Variants in RAP1GDS1 observed in about 807,000 individuals in gnomAD.
RAP1GDS1 encodes the protein RAP1, GTP-GDP dissociation stimulator 1.
In RAP1GDS1, 35 loss-of-function variants were observed where a neutral mutation model predicts 71.1. The observed-to-expected ratio is 0.49, with a 90% CI of 0.38 to 0.65. RAP1GDS1 has a LOEUF of 0.65. Among genes scored for constraint, RAP1GDS1 ranks in the 30% least tolerant of loss-of-function variants. The probability of loss-of-function intolerance (pLI) is 0.00; values close to 1 mark genes in which losing one functional copy is unlikely to be tolerated. For missense variants in RAP1GDS1, 663 were observed against 706.1 expected (o/e 0.94, Z 0.69); for synonymous variants, 229 against 243.1 (o/e 0.94, Z 0.54).
chr4:98,300,463 G>A (rs547410217), intron 2 of RAP1GDS1, among the ~76,000 whole-genome samples: 157 of 151,244 alleles, frequency 1.0e-3, no homozygotes, highest in African/African-American at 3.5e-3. Flanking sequence ...GCAGTGGCAC[G>A]ATCTTGGCTC....
intron 1 of RAP1GDS1, among the ~76,000 whole-genome samples, chr4:98,281,838 A>G (rs972178148): frequency 5.3e-5 from 8 of 152,146 alleles, no homozygotes; most frequent in African/African-American, 1.4e-4. Context: ...AATTTTGTCA[A>G]TGGCCTTTTC....
chr4:98,266,177 T>A (rs1722697672), intron 1 of RAP1GDS1, among the ~76,000 whole-genome samples: 1 of 152,176 alleles, frequency 6.6e-6, no homozygotes, highest in Admixed American at 6.5e-5. Flanking sequence ...TGTTTTCATG[T>A]CTAAGGATAA....
At chr4:98,363,083 T>C (rs1260483202) in intron 4 of RAP1GDS1, among the ~76,000 whole-genome samples, 4 of 152,088 alleles carry the variant, frequency 2.6e-5, no homozygotes, top group Non-Finnish European at 4.4e-5. Flanking sequence ...TGTATAATAA[T>C]GGAGTGTATT....
intron 4 of RAP1GDS1, among the ~76,000 whole-genome samples, chr4:98,368,998 C>T (rs1423766352): frequency 1.3e-5 from 2 of 152,172 alleles, no homozygotes; most frequent in Non-Finnish European, 1.5e-5. Flanking sequence ...CTCACAGTTT[C>T]ACATGACTGG....
Position 98,379,152 on chromosome 4 carries a change from G to A in RAP1GDS1, c.497G>A (p.Ser166Asn), listed in dbSNP as rs1432094926. Residue 166 changes from serine (S) to asparagine (N), a missense_variant, in exon 5 of 15, where the codon AGC (serine) becomes AAC (asparagine). By Grantham distance (46) the Ser-to-Asn change is conservative (BLOSUM62 1). Coordinates refer to ENST00000408927, the MANE Select transcript of RAP1GDS1 (RefSeq NM_001100427.2). The stretch of plus-strand genomic sequence containing the variant: ...TTTTGTGGCATGCTGATGAACTATA[G>A]CAATGAGAATGGTAAACAAAACTGA... ...TVFCGMLMNY[S>N]NENDSLQAQL... is the part of the protein sequence containing the mutation. 6.3e-7 allele frequency: 1 copy of A among 1,594,610 alleles called. No homozygotes were observed. The highest frequency in any genetic ancestry group is 8.5e-7 in the Non-Finnish European group (1 of 1,172,838).
At chr4:98,422,502 C>T (rs1203714176) in intron 12 of RAP1GDS1, among the ~76,000 whole-genome samples, 1 of 152,160 alleles carries the variant, frequency 6.6e-6, no homozygotes, top group Non-Finnish European at 1.5e-5. Context: ...AGGCATGAGC[C>T]ACCATGCCCA....
At chr4:98,274,629 A>G (rs1467144041) in intron 1 of RAP1GDS1, among the ~76,000 whole-genome samples, 1 of 152,182 alleles carries the variant, frequency 6.6e-6, no homozygotes, top group Non-Finnish European at 1.5e-5. Flanking sequence ...ACTTCAGGTT[A>G]TACTGAATTG....
intron 1 of RAP1GDS1, among the ~76,000 whole-genome samples, chr4:98,284,165 G>T (rs1352122027): frequency 1.3e-5 from 2 of 152,052 alleles, no homozygotes; most frequent in Non-Finnish European, 2.9e-5. Context: ...TTTCACAAGG[G>T]AGTTGGAAAT....
rs79479322 is a variant in RAP1GDS1 at position 98,276,156 on chromosome 4, C to T, written c.4+14587C>T. ...ATAGGTCATCTTTTCTATGTAACCT[C>T]ACACGGTAGAAGGAGTGAGGAAGCT... On this transcript the variant is annotated intron_variant, in intron 1 of 14. Transcript: ENST00000408927. 7.8e-3 allele frequency among the ~76,000 whole-genome samples: 1,189 copies of T among 152,238 alleles called. 15 individuals are homozygous for T. The highest frequency in any genetic ancestry group is 0.027 in the African/African-American group (1,137 of 41,536).
At chr4:98,353,628 AG>A (rs1406687250) in intron 4 of RAP1GDS1, among the ~76,000 whole-genome samples, 1 of 152,212 alleles carries the variant, frequency 6.6e-6, no homozygotes, top group Non-Finnish European at 1.5e-5. Flanking sequence ...TTTCTGAAAT[AG>A]GAGCTACAAT....
intron 2 of RAP1GDS1, among the ~76,000 whole-genome samples, chr4:98,340,922 CTATGCTTAT>C (rs1400385520): frequency 1.3e-5 from 2 of 152,026 alleles, no homozygotes; most frequent in Admixed American, 1.3e-4. Flanking sequence ...CTATCGGGTA[CTATGCTTAT>C]TACCTAAGTG....
intron 1 of RAP1GDS1, among the ~76,000 whole-genome samples, chr4:98,281,626 C>T (rs79502179): frequency 0.14 from 21,637 of 152,040 alleles, 2,248 homozygotes; most frequent in African/African-American, 0.29. Context: ...ACTGCCCTGG[C>T]GAGAACTTCC....
At chr4:98,343,517 A>G (rs191991108) in intron 3 of RAP1GDS1, among the ~76,000 whole-genome samples, 10 of 152,252 alleles carry the variant, frequency 6.6e-5, no homozygotes, top group Admixed American at 5.2e-4. Context: ...TACCTGTGTT[A>G]TTTATTACTT....
intron 1 of RAP1GDS1, among the ~76,000 whole-genome samples, chr4:98,267,885 A>G (rs2110224420): frequency 6.6e-6 from 1 of 152,262 alleles, no homozygotes; most frequent in African/African-American, 2.4e-5. Context: ...GCTGGGTCAA[A>G]TGGTAGTTCT....
intron 4 of RAP1GDS1, among the ~76,000 whole-genome samples, chr4:98,357,458 C>T (rs1056791151): frequency 6.6e-6 from 1 of 151,812 alleles, no homozygotes; most frequent in Non-Finnish European, 1.5e-5. Flanking sequence ...TGACTATTAT[C>T]ACATGAAAGC....
chr4:98,382,315 A>G (rs1742134545), intron 5 of RAP1GDS1, among the ~76,000 whole-genome samples: 1 of 151,618 alleles, frequency 6.6e-6, no homozygotes, highest in South Asian at 2.1e-4. Flanking sequence ...AAATAACACA[A>G]AACTTTAGTA....
chr4:98,442,153 T>G lies in RAP1GDS1; in HGVS notation c.*36T>G. 1 of 1,604,398 alleles carries G rather than the reference T, an allele frequency of 6.2e-7. No homozygotes were observed. The highest frequency in any genetic ancestry group is 2.2e-5 in the East Asian group (1 of 44,796). ...ATACACGGCATCATCCCATCTCTAA[T>G]TTCCCCTCTGTCCTCCATCCAGCGG... On this transcript the variant is annotated 3_prime_UTR_variant, in exon 15 of 15. Transcript: ENST00000408927.
At chr4:98,387,299 T>G in intron 5 of RAP1GDS1, 1 of 361,254 alleles carries the variant, frequency 2.8e-6, no homozygotes, top group Non-Finnish European at 5.7e-6. Context: ...ACAAACTTAT[T>G]TTTAGTAACT....
intron 13 of RAP1GDS1, among the ~76,000 whole-genome samples, chr4:98,434,918 G>A (rs536706275): frequency 2.0e-4 from 31 of 152,140 alleles, no homozygotes; most frequent in Non-Finnish European, 3.8e-4. Context: ...CACCATGCCC[G>A]GCCCTAATAT....
Sources: allele counts gnomAD v4.1 joint callset (sites outside exome capture counted in the v4.1 genomes callset), GRCh38; gene constraint gnomAD v4.1.1; transcripts MANE v1.5; gene names NCBI Gene and HGNC (gene_info 2026-07-23, HGNC 2026-07-21).